The following SPOCK3 variants were observed in gnomAD, a reference collection of about 807,000 sequenced individuals.
The protein encoded by SPOCK3 is testican-3.
A neutral mutation model predicts 56.6 loss-of-function variants in SPOCK3; 30 were observed. The observed-to-expected ratio is 0.53, with a 90% CI of 0.40 to 0.72. SPOCK3 has a LOEUF of 0.72. Ranked by LOEUF, SPOCK3 falls within the 30% of genes least tolerant of loss-of-function variation. The pLI is 0.00. For missense variants in SPOCK3, 527 were observed against 530.0 expected, an observed-to-expected ratio of 0.99 and a Z score of 0.06; for synonymous variants, 196 against 183.3, an observed-to-expected ratio of 1.07 and a Z score of -0.56.
chr4:166,929,678 T>A (rs561020555), intron 4 of SPOCK3, among the ~76,000 whole-genome samples: 2 of 152,148 alleles, frequency 1.3e-5, no homozygotes, highest in Non-Finnish European at 2.9e-5. Context: ...TTTTGGGAGG[T>A]GTTGCTTCAT....
chr4:166,819,436 C>T (rs1744697435), intron 6 of SPOCK3, among the ~76,000 whole-genome samples: 1 of 151,942 alleles, frequency 6.6e-6, no homozygotes. Flanking sequence ...GTAAAACAGT[C>T]CTCATTTACA....
chr4:166,839,840 C>G (rs1296567743), intron 6 of SPOCK3, among the ~76,000 whole-genome samples: 3 of 152,168 alleles, frequency 2.0e-5, no homozygotes, highest in African/African-American at 7.2e-5. Flanking sequence ...GTCACTCAGA[C>G]ACAGCCCAAA....
At chr4:166,937,257 T>C (rs951364389) in intron 4 of SPOCK3, among the ~76,000 whole-genome samples, 2 of 151,906 alleles carry the variant, frequency 1.3e-5, no homozygotes, top group African/African-American at 2.4e-5. Context: ...AATACATTTC[T>C]GGAAATTTTA....
intron 4 of SPOCK3, among the ~76,000 whole-genome samples, chr4:166,974,254 C>T (rs1269772730): frequency 6.6e-6 from 1 of 152,032 alleles, no homozygotes; most frequent in Admixed American, 6.6e-5. Flanking sequence ...AATCAAGTAT[C>T]CACCAATGTC....
At chr4:166,794,673 G>T (rs1377146485) in intron 6 of SPOCK3, among the ~76,000 whole-genome samples, 7 of 115,806 alleles carry the variant, frequency 6.0e-5, no homozygotes, top group Admixed American at 2.2e-4. Flanking sequence ...ACAGAGTTTC[G>T]CTCTTGTTGC....
intron 4 of SPOCK3, among the ~76,000 whole-genome samples, chr4:166,925,896 T>A (rs11736135): frequency 0.34 from 51,177 of 152,028 alleles, 9,875 homozygotes; most frequent in African/African-American, 0.53. Flanking sequence ...ATGAACGCAT[T>A]AAGCTTATTT....
chr4:166,994,359 T>C (rs988211667), intron 4 of SPOCK3, among the ~76,000 whole-genome samples: 2 of 152,106 alleles, frequency 1.3e-5, no homozygotes, highest in African/African-American at 4.8e-5. Context: ...ACTCAGAGCT[T>C]GGGTAACCTG....
chr4:167,055,638 C>A (rs551453573), intron 3 of SPOCK3, among the ~76,000 whole-genome samples: 3 of 152,320 alleles, frequency 2.0e-5, no homozygotes, highest in South Asian at 2.1e-4. Flanking sequence ...ATACGGTGCA[C>A]CAGGAGATTA....
At chr4:166,743,801 A>T (rs1156406340) in intron 8 of SPOCK3, among the ~76,000 whole-genome samples, 1 of 152,160 alleles carries the variant, frequency 6.6e-6, no homozygotes, top group Non-Finnish European at 1.5e-5. Flanking sequence ...ACACCAGGAG[A>T]CTATATCCTG....
At chr4:166,957,963 C>T (rs1317123542) in intron 4 of SPOCK3, among the ~76,000 whole-genome samples, 1 of 151,992 alleles carries the variant, frequency 6.6e-6, no homozygotes, top group Non-Finnish European at 1.5e-5. Flanking sequence ...ACTGGGAAGG[C>T]ACAATTGTAT....
intron 2 of SPOCK3, among the ~76,000 whole-genome samples, chr4:167,146,697 G>A (rs1763988593): frequency 6.6e-6 from 1 of 152,060 alleles, no homozygotes; most frequent in Non-Finnish European, 1.5e-5. Flanking sequence ...TGAACAACCT[G>A]CACCTGAATG....
At chr4:167,101,161 A>G (rs1759605421) in intron 2 of SPOCK3, among the ~76,000 whole-genome samples, 1 of 152,108 alleles carries the variant, frequency 6.6e-6, no homozygotes, top group African/African-American at 2.4e-5. Flanking sequence ...TTCTTCCTGC[A>G]AAGGCCTAGA....
chr4:166,837,698 T>C (rs1333362261), intron 6 of SPOCK3, among the ~76,000 whole-genome samples: 1 of 152,204 alleles, frequency 6.6e-6, no homozygotes, highest in Non-Finnish European at 1.5e-5. Flanking sequence ...TCCTCAAACA[T>C]AATTTAGAAC....
intron 2 of SPOCK3, among the ~76,000 whole-genome samples, chr4:167,109,349 A>G (rs1199178405): frequency 1.9e-5 from 1 of 51,896 alleles, no homozygotes; most frequent in Non-Finnish European, 3.5e-5. Context: ...TATATAATAA[A>G]ATAAATATAT....
chr4:166,741,935 C>T (rs1734884721), intron 9 of SPOCK3, 62 bp downstream of exon 9: 4 of 1,115,148 alleles, frequency 3.6e-6, no homozygotes, highest in Non-Finnish European at 5.4e-6. Context: ...TTTTATGTTG[C>T]TGTTTCCCTG....
At chr4:166,911,805 G>T (rs1737308504) in intron 5 of SPOCK3, among the ~76,000 whole-genome samples, 1 of 152,042 alleles carries the variant, frequency 6.6e-6, no homozygotes, top group South Asian at 2.1e-4. Flanking sequence ...ACAAGTGCTG[G>T]GGTTACAGGC....
At chr4:166,735,483 A>G (rs1015866490) in intron 10 of SPOCK3, among the ~76,000 whole-genome samples, 15 of 152,136 alleles carry the variant, frequency 9.9e-5, no homozygotes, top group African/African-American at 3.6e-4. Flanking sequence ...CTATAATGTT[A>G]CCTTAACATG....
chr4:167,094,570 T>C (rs747566324), intron 2 of SPOCK3, among the ~76,000 whole-genome samples: 7 of 152,152 alleles, frequency 4.6e-5, no homozygotes, highest in Non-Finnish European at 8.8e-5. Context: ...AGCCAGCCAT[T>C]ATATTCATAA....
intron 2 of SPOCK3, among the ~76,000 whole-genome samples, chr4:167,076,686 T>TA (rs1017475746): frequency 1.1e-4 from 16 of 151,898 alleles, no homozygotes; most frequent in Admixed American, 2.0e-4. Flanking sequence ...TAAACAATTT[T>TA]AAAAAACTGT....
Sources: gnomAD v4.1 joint callset for allele counts (sites outside exome capture counted in the v4.1 genomes callset) on GRCh38, gnomAD v4.1.1 for gene constraint, MANE v1.5 for transcripts, NCBI Gene and HGNC (gene_info 2026-07-23, HGNC 2026-07-21) for gene names.